MLPH: variants seen among roughly 807,000 people sequenced by gnomAD.
MLPH encodes exophilin-3.
A neutral mutation model predicts 72.1 loss-of-function variants in MLPH; 51 were observed. The observed-to-expected ratio is 0.71, with a 90% CI of 0.56 to 0.89. MLPH has a LOEUF of 0.89. MLPH is among the 40% of genes least tolerant of loss of function. MLPH has a pLI of 0.00. For missense variants in MLPH, 743 were observed against 759.9 expected (o/e 0.98, Z 0.26); for synonymous variants, 301 against 310.1 (o/e 0.97, Z 0.31).
intron 12 of MLPH, 72 bp from the exon 13 acceptor site, chr2:237,546,534 C>A: frequency 7.6e-7 from 1 of 1,324,292 alleles, no homozygotes. Flanking sequence ...TTACATCCAG[C>A]TGACCCATGC....
chr2:237,548,785 G>A (rs775886883), intron 13 of MLPH, among the ~76,000 whole-genome samples: 7 of 152,320 alleles, frequency 4.6e-5, no homozygotes, highest in East Asian at 1.9e-4. Context: ...AGACTGAGGC[G>A]AGAGAATGGC....
intron 4 of MLPH, among the ~76,000 whole-genome samples, chr2:237,516,014 C>G (rs773104833): frequency 6.6e-6 from 1 of 152,236 alleles, no homozygotes; most frequent in Non-Finnish European, 1.5e-5. Context: ...CCTGCACCCG[C>G]AGTCCTGCTT....
Position 237,510,921 on chromosome 2 carries a change from G to C in MLPH, c.333-68G>C, listed in dbSNP as rs770340254. Reference sequence around the variant, plus strand: ...CACTCGTGTGTGTGTGTGTGTGTGTGTGTGAGATTTATGCAGGCCTGTGTA... The same window carrying C: ...CACTCGTGTGTGTGTGTGTGTGTGTCTGTGAGATTTATGCAGGCCTGTGTA... On this transcript the variant is annotated intron_variant, in intron 3 of 15. Coordinates refer to ENST00000264605, the MANE Select transcript of MLPH (RefSeq NM_024101.7). This position sits in a 1 kb window ranked among gnomAD's most constrained non-coding sequence, Gnocchi z 4.4. 6.6e-7 allele frequency: 1 copy of C among 1,511,324 alleles called. No individual in the cohort carries two copies. Among genetic ancestry groups the C allele is most frequent in the Non-Finnish European group, 9.2e-7 (1 of 1,087,754 alleles). The allele number at this position is 1,511,324 out of a possible 1,614,324, so 93.6% of individuals were successfully genotyped here. A position where few individuals can be genotyped will look rare whatever the true frequency, so the allele number is the denominator to read the frequency against.
intron 6 of MLPH, among the ~76,000 whole-genome samples, chr2:237,521,004 G>A (rs2080170209): frequency 6.6e-6 from 1 of 152,210 alleles, no homozygotes; most frequent in Non-Finnish European, 1.5e-5. Flanking sequence ...GAAGCCTAAG[G>A]TGTTTACACC....
chr2:237,493,106 G>C (rs2079460764), intron 1 of MLPH, among the ~76,000 whole-genome samples: 1 of 152,206 alleles, frequency 6.6e-6, no homozygotes, highest in Non-Finnish European at 1.5e-5. Flanking sequence ...CCCCTGGATG[G>C]GGAGATCACT....
At chr2:237,539,823 C>A (rs769761644) in intron 9 of MLPH, among the ~76,000 whole-genome samples, 2 of 152,190 alleles carry the variant, frequency 1.3e-5, no homozygotes, top group African/African-American at 2.4e-5. Flanking sequence ...CAGGTGAACT[C>A]GCAGTCCAGT....
At position 237,553,267 on chromosome 2, in the gene MLPH, G is replaced by T. The variant is rs570110410; in HGVS notation, c.1777-299G>T. On this transcript the variant is annotated intron_variant, in intron 15 of 15. Coordinates refer to ENST00000264605, the MANE Select transcript of MLPH (RefSeq NM_024101.7). ...TTTTCATCTGAGATGCAGTGGAAAGGGGGTATAGCAAAGGGAGTAGCTGCT... is the reference window on the plus strand; with the variant it reads ...TTTTCATCTGAGATGCAGTGGAAAGTGGGTATAGCAAAGGGAGTAGCTGCT... The T allele has an allele frequency of 2.8e-5, 15 of 543,724 alleles. 1 individual carries two copies. Among genetic ancestry groups the T allele is most frequent in the South Asian group, 8.8e-5 (5 of 56,810 alleles). 33.7% of individuals were successfully genotyped at this position (543,724 alleles called of 1,614,324 possible).
At chr2:237,525,922 C>T in intron 7 of MLPH, 117 bp downstream of exon 7, 1 of 1,029,122 alleles carries the variant, frequency 9.7e-7, no homozygotes, top group Non-Finnish European at 1.5e-6. Context: ...AAGGCCCCTT[C>T]CTTTGGCGTG....
chr2:237,498,392 C>T (rs1018081777), intron 2 of MLPH, among the ~76,000 whole-genome samples: 4 of 152,164 alleles, frequency 2.6e-5, no homozygotes, highest in Non-Finnish European at 4.4e-5. Context: ...GCGCCTTTTC[C>T]CACAGCGTCA....
At chr2:237,533,393 T>TTTTC (rs2080464445) in intron 8 of MLPH, among the ~76,000 whole-genome samples, 1 of 110,468 alleles carries the variant, frequency 9.1e-6, no homozygotes, top group South Asian at 3.7e-4. Flanking sequence ...TTCTTTTCTT[T>TTTTC]TTTTTTTTTT....
In MLPH at chr2:237,510,274, C is replaced by G. The variant is rs750104383; in HGVS notation, c.111-300C>G. On this transcript the variant is annotated intron_variant, in intron 2 of 15. Transcript: ENST00000264605. This position sits in a 1 kb window ranked among gnomAD's most constrained non-coding sequence, Gnocchi z 4.4. ...GGGGAGGGCGCAGTGACCTGCCAAC[C>G]AAAATTGGTACAATTGTAAACAGCC... 1 of 435,626 alleles carries G rather than the reference C, an allele frequency of 2.3e-6. No homozygotes were observed. The highest frequency in any genetic ancestry group is 4.3e-6 in the Non-Finnish European group (1 of 234,252). The allele number at this position is 435,626 out of a possible 1,614,324, so 27.0% of individuals were successfully genotyped here.
chr2:237,536,309 C>A (rs992393248), intron 9 of MLPH, among the ~76,000 whole-genome samples: 1 of 152,208 alleles, frequency 6.6e-6, no homozygotes, highest in African/African-American at 2.4e-5. Flanking sequence ...CTGCCTTTAT[C>A]TATAAGGGGA....
intron 2 of MLPH, among the ~76,000 whole-genome samples, chr2:237,500,895 C>A (rs1266241502): frequency 6.6e-6 from 1 of 152,034 alleles, no homozygotes. Flanking sequence ...CAGGAATCCA[C>A]CCCACACACA....
intron 2 of MLPH, among the ~76,000 whole-genome samples, chr2:237,500,448 G>A (rs115236911): frequency 0.011 from 1,735 of 152,238 alleles, 24 homozygotes; most frequent in African/African-American, 0.039. Context: ...AGTTTTAATC[G>A]TATTCAATTT....
rs1412363724 is a variant in MLPH at position 237,553,563 on chromosome 2, C to T, written c.1777-3C>T. 6.2e-7 allele frequency: 1 copy of T among 1,614,022 alleles called. No homozygotes were observed. Among genetic ancestry groups the T allele is most frequent in the Non-Finnish European group, 8.5e-7 (1 of 1,180,000 alleles). ...TATGTGCATGTGTGTTTGTACTTTACAGAAACCTGTGGTGGCCCACCAGTC... is the reference window on the plus strand; with the variant it reads ...TATGTGCATGTGTGTTTGTACTTTATAGAAACCTGTGGTGGCCCACCAGTC... On this transcript the variant is annotated splice_region_variant and splice_polypyrimidine_tract_variant and intron_variant, in intron 15 of 15. Coordinates refer to ENST00000264605, the MANE Select transcript of MLPH (RefSeq NM_024101.7).
At chr2:237,535,491 CAT>C (rs562870282) in intron 9 of MLPH, among the ~76,000 whole-genome samples, 64 of 151,748 alleles carry the variant, frequency 4.2e-4, no homozygotes, top group African/African-American at 1.5e-3. Flanking sequence ...AGTGTGTGTG[CAT>C]GTGTGTGTGT....
At position 237,541,249 on chromosome 2, in the gene MLPH, G is replaced by A. The variant is rs188469622; in HGVS notation, c.1446+292G>A. ...TGCTGAACACACAATCCCTGACCCAGGATGGGGGCCTAGAAGCAGGCCTGG... is the reference window on the plus strand; with the variant it reads ...TGCTGAACACACAATCCCTGACCCAAGATGGGGGCCTAGAAGCAGGCCTGG... On this transcript the variant is annotated intron_variant, in intron 11 of 15. Transcript: ENST00000264605. The surrounding 1 kb of genome is among the most constrained non-coding windows in gnomAD (Gnocchi z 5.1). 1.4e-3 allele frequency among the ~76,000 whole-genome samples: 207 copies of A among 152,292 alleles called. No individual in the cohort carries two copies. The highest frequency in any genetic ancestry group is 4.7e-3 in the African/African-American group (194 of 41,548).
rs119473031 is a variant in MLPH at position 237,493,529 on chromosome 2, C to T, written c.103C>T (p.Arg35Trp). Residue 35 changes from arginine to tryptophan, a missense_variant, in exon 2 of 16, where the codon CGG becomes TGG. Arg to Trp is a moderately radical substitution (Grantham distance 101). Coordinates refer to ENST00000264605, the MANE Select transcript of MLPH (RefSeq NM_024101.7). ...TGACCTCCGAAGGAAAGAAGAGGAA[C>T]GGCTAGAGTGAGTGTGCCGTGCTGA... ...DFDLRRKEEE[R>W]LEALKGKIKK... The T allele has an allele frequency of 1.2e-5, 20 of 1,612,816 alleles. No individual in the cohort carries two copies. The highest frequency in any genetic ancestry group is 1.1e-4 in the East Asian group (5 of 44,876).
chr2:237,488,321 T>G (rs1372029086), intron 1 of MLPH, among the ~76,000 whole-genome samples: 1 of 152,138 alleles, frequency 6.6e-6, no homozygotes, highest in Non-Finnish European at 1.5e-5. Context: ...CAGACCGCGT[T>G]GCTGAGCAGT....
Sources: gnomAD v4.1 joint callset for allele counts (sites outside exome capture counted in the v4.1 genomes callset) on GRCh38, gnomAD v4.1.1 for gene constraint, Gnocchi (gnomAD v3.1) non-coding constraint, MANE v1.5 for transcripts, NCBI Gene and HGNC (gene_info 2026-07-23, HGNC 2026-07-21) for gene names.